AK5: variants seen among roughly 807,000 people sequenced by gnomAD.
AK5 encodes the protein adenylate kinase 5, also known as adenylate kinase isoenzyme 5.
AK5 carries 27 observed loss-of-function variants against 69.5 expected under a neutral mutation model. The observed-to-expected ratio is 0.39, with a 90% CI of 0.29 to 0.54. The LOEUF is 0.54. AK5 is among the 20% of genes least tolerant of loss of function. The pLI, the probability that AK5 is intolerant of heterozygous loss-of-function variation, is 0.71. For missense variants in AK5, 531 were observed against 700.4 expected, an observed-to-expected ratio of 0.76 and a Z score of 2.73; for synonymous variants, 260 against 244.4, an observed-to-expected ratio of 1.06 and a Z score of -0.60.
chr1:77,522,632 G>A (rs1292788848), intron 12 of AK5, among the ~76,000 whole-genome samples: 1 of 152,014 alleles, frequency 6.6e-6, no homozygotes, highest in Non-Finnish European at 1.5e-5. Flanking sequence ...TAGTGAGGAG[G>A]GTGGGTCAGG....
At chr1:77,345,352 G>A (rs893681966) in intron 6 of AK5, among the ~76,000 whole-genome samples, 15 of 152,084 alleles carry the variant, frequency 9.9e-5, no homozygotes, top group Non-Finnish European at 2.1e-4. Flanking sequence ...GCTGAAAAAA[G>A]GTTAAAATCA....
chr1:77,468,939 G>A (rs1654304671), intron 8 of AK5, among the ~76,000 whole-genome samples: 1 of 152,218 alleles, frequency 6.6e-6, no homozygotes, highest in African/African-American at 2.4e-5. Flanking sequence ...CAACCTGGTA[G>A]CTGTCTTCTG....
intron 10 of AK5, among the ~76,000 whole-genome samples, chr1:77,490,602 G>A (rs1557631344): frequency 6.6e-6 from 1 of 152,166 alleles, no homozygotes; most frequent in Non-Finnish European, 1.5e-5. Context: ...ATGGACTTCA[G>A]TTGTTCACAT....
At chr1:77,308,456 AAAT>A (rs60459659) in intron 5 of AK5, among the ~76,000 whole-genome samples, 65,515 of 126,182 alleles carry the variant, frequency 0.52, 16,744 homozygotes, top group Admixed American at 0.63. Flanking sequence ...AAAAAAAAAA[AAAT>A]CTTTTTCTCA....
intron 11 of AK5, among the ~76,000 whole-genome samples, chr1:77,520,297 A>G (rs1443211230): frequency 1.3e-5 from 2 of 151,928 alleles, no homozygotes; most frequent in Non-Finnish European, 2.9e-5. Flanking sequence ...TTCAAGATGG[A>G]GTTGCTCTGG....
chr1:77,361,662 C>T (rs956376437), intron 6 of AK5, among the ~76,000 whole-genome samples: 3 of 152,154 alleles, frequency 2.0e-5, no homozygotes, highest in South Asian at 2.1e-4. Flanking sequence ...CACAGTTCCA[C>T]GTGGCTGGGG....
rs187357923 is a variant in AK5, at chr1:77,441,821, T to G, written c.1059+24106T>G. 5.9e-5 allele frequency among the ~76,000 whole-genome samples: 9 copies of G among 152,184 alleles called. No homozygotes were observed. The East Asian group carries it at 1.5e-3, about 26-fold the overall frequency. ...TGGCTGTGGGGCCAGAGTTCTGTGC[T>G]CAAGATCTCTCAAACCTATTGTGAC... On this transcript the variant is annotated intron_variant, in intron 8 of 13. Transcript: ENST00000354567.
rs185653281 is a variant in AK5, at chr1:77,287,046, T to C, written c.166T>C (p.Trp56Arg). ...ACTGGGTGGCTGTGACAAGGTGAAA[T>C]GGGATACATTTGTAAGCCAGGAAAA... ...KELGGCDKVKWDTFVSQEKKT... is the reference protein window; with the variant it reads ...KELGGCDKVKRDTFVSQEKKT... The change falls in exon 2 of 14, where the codon TGG becomes CGG. Residue 56 changes from tryptophan (W) to arginine (R), a missense_variant. Trp to Arg is a moderately radical substitution (Grantham distance 101). Coordinates refer to ENST00000354567, the MANE Select transcript of AK5 (RefSeq NM_174858.3). 4 of 1,609,532 alleles carry C rather than the reference T, an allele frequency of 2.5e-6. No individual in the cohort carries two copies. In the African/African-American group the frequency reaches 5.3e-5, roughly 22 times the overall value.
intron 6 of AK5, among the ~76,000 whole-genome samples, chr1:77,353,189 T>C (rs879808781): frequency 3.3e-5 from 5 of 152,118 alleles, no homozygotes; most frequent in Non-Finnish European, 5.9e-5. Context: ...TAAAATTATT[T>C]AGTGCCAGCC....
At chr1:77,403,395 G>A (rs1232537439) in intron 6 of AK5, among the ~76,000 whole-genome samples, 2 of 127,824 alleles carry the variant, frequency 1.6e-5, no homozygotes, top group Non-Finnish European at 3.3e-5. Flanking sequence ...GAATCGTATT[G>A]CCTAGGTTTT....
At chr1:77,509,460 T>C (rs1377802880) in intron 10 of AK5, among the ~76,000 whole-genome samples, 1 of 152,166 alleles carries the variant, frequency 6.6e-6, no homozygotes, top group Non-Finnish European at 1.5e-5. Flanking sequence ...TGGAGAAGGT[T>C]TCAACTGACC....
chr1:77,368,215 C>A (rs1397921245), intron 6 of AK5, among the ~76,000 whole-genome samples: 14 of 28,190 alleles, frequency 5.0e-4, no homozygotes, highest in East Asian at 9.8e-3. Context: ...AGTAGAGATA[C>A]TATATATATA....
rs1311946479 is a variant in AK5 at position 77,475,386 on chromosome 1, ATG to A, written c.1060-7929_1060-7928del. Among the ~76,000 whole-genome samples, 63 of 23,792 alleles carry A rather than the reference ATG, an allele frequency of 2.6e-3. 2 individuals carry two copies. The highest frequency in any genetic ancestry group is 0.016 in the South Asian group (6 of 386). The allele number at this position is 23,792 out of a possible 152,430, so 15.6% of individuals were successfully genotyped here. A position where few individuals can be genotyped will look rare whatever the true frequency, so the allele number is the denominator to read the frequency against. On this transcript the variant is annotated intron_variant, in intron 8 of 13. Coordinates refer to ENST00000354567, the MANE Select transcript of AK5 (RefSeq NM_174858.3). ...ATATATACAAATATATATTATATAT[ATG>A]TATATATATAATATATATGTATATA...
intron 6 of AK5, among the ~76,000 whole-genome samples, chr1:77,367,683 TTA>T (rs1165144544): frequency 9.9e-6 from 1 of 101,094 alleles, no homozygotes; most frequent in Non-Finnish European, 1.8e-5. Flanking sequence ...AATATATATG[TTA>T]TATATACGTT....
At chr1:77,540,505 A>G (rs1330441697) in intron 13 of AK5, 2 of 152,234 alleles carry the variant, frequency 1.3e-5, no homozygotes, top group Non-Finnish European at 2.9e-5. Context: ...CCAACTGACT[A>G]GAATTAGCCT....
At chr1:77,339,935 A>G (rs1283684444) in intron 5 of AK5, among the ~76,000 whole-genome samples, 1 of 152,132 alleles carries the variant, frequency 6.6e-6, no homozygotes, top group Non-Finnish European at 1.5e-5. Context: ...TATCTTAAGG[A>G]AACAGCATTG....
At position 77,367,181 on chromosome 1, in the gene AK5, A is replaced by G. The variant is rs890588877; in HGVS notation, c.891+26613A>G. Among the ~76,000 whole-genome samples the G allele has an allele frequency of 4.9e-4, 75 of 152,074 alleles. No homozygotes were observed. In the Middle Eastern group the frequency reaches 0.01, roughly 21 times the overall value. On this transcript the variant is annotated intron_variant, in intron 6 of 13. Coordinates refer to ENST00000354567, the MANE Select transcript of AK5 (RefSeq NM_174858.3). ...ATAGTATATGGGTTGAGTATCCTTTATACAAAATGCTTGGGACCAGAAGTG... is the reference window on the plus strand; with the variant it reads ...ATAGTATATGGGTTGAGTATCCTTTGTACAAAATGCTTGGGACCAGAAGTG...
intron 8 of AK5, among the ~76,000 whole-genome samples, chr1:77,462,227 AG>A (rs1361972778): frequency 3.9e-5 from 6 of 152,220 alleles, no homozygotes; most frequent in Admixed American, 6.5e-5. Context: ...GATCAAGCCA[AG>A]GAACCCTCTC....
intron 8 of AK5, among the ~76,000 whole-genome samples, chr1:77,482,267 G>A (rs987572269): frequency 1.3e-5 from 2 of 152,174 alleles, no homozygotes. Flanking sequence ...AGACATAGGT[G>A]AGAGTGAGAG....
Sources: allele counts gnomAD v4.1 joint callset (sites outside exome capture counted in the v4.1 genomes callset), GRCh38; gene constraint gnomAD v4.1.1; transcripts MANE v1.5; gene names NCBI Gene and HGNC (gene_info 2026-07-23, HGNC 2026-07-21).